Variants in ZHX3 observed in about 807,000 individuals in gnomAD.
ZHX3 encodes the protein zinc fingers and homeoboxes protein 3.
Under a neutral mutation model 64.5 loss-of-function variants are expected in ZHX3, and 20 were observed. That is an observed-to-expected ratio of 0.31 (90% confidence interval 0.22 to 0.45). The LOEUF (loss-of-function observed/expected upper bound fraction) is 0.45. ZHX3 is among the 20% of genes least tolerant of loss of function. The pLI is 1.00. For synonymous variants in ZHX3, 423 were observed against 461.6 expected, an observed-to-expected ratio of 0.92 and a Z score of 1.07; for missense variants, 1,041 against 1,195.8, an observed-to-expected ratio of 0.87 and a Z score of 1.91.
Position 41,203,310 on chromosome 20 carries a change from C to T in ZHX3, c.1607G>A (p.Arg536Lys). ...HLTKVTGLST[R>K]EVRKWFSDRR... ...ATCACTGAACCATTTCCGCACCTCT[C>T]TGGTACTGAGGCCCGTCACTTTTGT... Residue 536 changes from arginine (R) to lysine (K), a missense_variant, in exon 3 of 4, where the codon AGA becomes AAA. Arg to Lys is a conservative substitution (Grantham distance 26, BLOSUM62 2). Around this residue, in one of 4 missense-constraint regions of ZHX3, gnomAD observed 649 missense variants for 739.8 expected, o/e 0.88. Transcript: ENST00000683867. This position sits in a 1 kb window ranked among gnomAD's most constrained non-coding sequence, Gnocchi z 7.1. 6.2e-7 allele frequency: 1 copy of T among 1,614,224 alleles called. No homozygotes were observed. The highest frequency in any genetic ancestry group is 8.5e-7 in the Non-Finnish European group (1 of 1,180,040).
intron 3 of ZHX3, among the ~76,000 whole-genome samples, chr20:41,198,135 G>C (rs2037911987): frequency 6.6e-6 from 1 of 151,374 alleles, no homozygotes; most frequent in South Asian, 2.1e-4. Flanking sequence ...CTCCCAAGTA[G>C]CTGGGATTAG....
rs75271836 is a variant in ZHX3, at chr20:41,188,853, A to G, written c.2861-3652T>C. Among the ~76,000 whole-genome samples the G allele has an allele frequency of 9.9e-3, 1,502 of 152,250 alleles. 22 individuals are homozygous for G. The highest frequency in any genetic ancestry group is 0.034 in the African/African-American group (1,430 of 41,542). On this transcript the variant is annotated intron_variant, in intron 3 of 3. Transcript: ENST00000683867. ...TCCTTTGCTATGCAGAAGATTTTTA[A>G]TATAGTTCCCTTTGTCTATTTTTGT...
At chr20:41,277,978 A>C (rs1376884383) in intron 1 of ZHX3, among the ~76,000 whole-genome samples, 1 of 137,484 alleles carries the variant, frequency 7.3e-6, no homozygotes, top group Non-Finnish European at 1.6e-5. Context: ...TGGAAAAAAA[A>C]CTCCCCTGAT....
rs931708126 is a variant in ZHX3 at position 41,232,221 on chromosome 20, A to C, written c.-150-27155T>G. On this transcript the variant is annotated intron_variant, in intron 2 of 3. Coordinates refer to ENST00000683867, the MANE Select transcript of ZHX3 (RefSeq NM_001384317.1). This position sits in a 1 kb window ranked among gnomAD's most constrained non-coding sequence, Gnocchi z 5.0. ...ATCTTCAATCATTGTTATTACACAG[A>C]GAATGATGACCAGATGGTCTCCATT... Among the ~76,000 whole-genome samples, 3 of 152,204 alleles carry C rather than the reference A, an allele frequency of 2.0e-5. No individual in the cohort carries two copies. Among genetic ancestry groups the C allele is most frequent in the Admixed American group, 6.5e-5 (1 of 15,286 alleles).
At chr20:41,316,657 C>T (rs1164058615) in intron 1 of ZHX3, among the ~76,000 whole-genome samples, 1 of 152,180 alleles carries the variant, frequency 6.6e-6, no homozygotes, top group Admixed American at 6.5e-5. Context: ...CTCCCCCACC[C>T]CAAGTCACAT....
intron 1 of ZHX3, among the ~76,000 whole-genome samples, chr20:41,302,488 A>G (rs2044852415): frequency 6.6e-6 from 1 of 152,214 alleles, no homozygotes; most frequent in Non-Finnish European, 1.5e-5. Flanking sequence ...CCATAGAGGC[A>G]GGAGCTTCTC....
At chr20:41,315,237 C>T (rs1214575151) in intron 1 of ZHX3, among the ~76,000 whole-genome samples, 3 of 149,206 alleles carry the variant, frequency 2.0e-5, no homozygotes, top group Non-Finnish European at 3.0e-5. Context: ...GGCTGGAGTG[C>T]GGTGGTGTGA....
intron 2 of ZHX3, among the ~76,000 whole-genome samples, chr20:41,257,946 G>GC (rs1312163728): frequency 7.7e-6 from 1 of 130,360 alleles, no homozygotes; most frequent in African/African-American, 3.3e-5. Context: ...GCTCTTGTCA[G>GC]CCAGGCTGGG....
At chr20:41,216,451 A>T (rs2039540298) in intron 2 of ZHX3, among the ~76,000 whole-genome samples, 1 of 152,206 alleles carries the variant, frequency 6.6e-6, no homozygotes. Context: ...TAATTCTTTT[A>T]AAAAACCAAA....
intron 3 of ZHX3, among the ~76,000 whole-genome samples, chr20:41,190,259 C>T (rs1350469938): frequency 2.0e-5 from 3 of 152,246 alleles, no homozygotes; most frequent in Non-Finnish European, 4.4e-5. Context: ...ACTGCAACCT[C>T]TGCTTCCTGG....
intron 2 of ZHX3, among the ~76,000 whole-genome samples, chr20:41,265,017 G>A (rs897852004): frequency 6.6e-5 from 10 of 152,066 alleles, no homozygotes; most frequent in Admixed American, 2.6e-4. Context: ...AAAAATAAGC[G>A]CAAAATAAGC....
At chr20:41,303,847 C>T (rs1453377099) in intron 1 of ZHX3, among the ~76,000 whole-genome samples, 2 of 152,178 alleles carry the variant, frequency 1.3e-5, no homozygotes, top group African/African-American at 4.8e-5. Context: ...CCCCTCTTAT[C>T]CTCACACTTC....
chr20:41,222,032 C>T (rs1249827299), intron 2 of ZHX3, among the ~76,000 whole-genome samples: 4 of 152,296 alleles, frequency 2.6e-5, no homozygotes, highest in Admixed American at 6.5e-5. Flanking sequence ...TGGCGTCATC[C>T]GACACGTGTC....
rs943956722 is a variant in ZHX3 at position 41,212,227 on chromosome 20, A to C, written c.-150-7161T>G. Among the ~76,000 whole-genome samples the C allele has an allele frequency of 1.3e-5, 2 of 152,232 alleles. No homozygotes were observed. The highest frequency in any genetic ancestry group is 4.8e-5 in the African/African-American group (2 of 41,464). ...AATTTTTAAACGGGTAAAGGATTTG[A>C]ATAGACACTTCTCCAAAGAAGATAT... On this transcript the variant is annotated intron_variant, in intron 2 of 3. Coordinates refer to ENST00000683867, the MANE Select transcript of ZHX3 (RefSeq NM_001384317.1). This position sits in a 1 kb window ranked among gnomAD's most constrained non-coding sequence, Gnocchi z 4.3.
chr20:41,210,474 T>C (rs1264965505), intron 2 of ZHX3, among the ~76,000 whole-genome samples: 1 of 152,134 alleles, frequency 6.6e-6, no homozygotes, highest in Non-Finnish European at 1.5e-5. Flanking sequence ...TAGACTGGAT[T>C]AAGAAAATGT....
intron 3 of ZHX3, among the ~76,000 whole-genome samples, chr20:41,197,635 T>A (rs1389821294): frequency 1.3e-5 from 2 of 151,910 alleles, no homozygotes; most frequent in Non-Finnish European, 2.9e-5. Context: ...TTGTTTTTAA[T>A]AGAAGAGCTT....
chr20:41,289,919 C>A (rs2044143268), intron 1 of ZHX3, among the ~76,000 whole-genome samples: 1 of 152,080 alleles, frequency 6.6e-6, no homozygotes, highest in African/African-American at 2.4e-5. Context: ...GTTGTAGTTT[C>A]AACAAAAAGA....
At position 41,203,516 on chromosome 20, in the gene ZHX3, CGTT is replaced by C. The variant is rs780222766; in HGVS notation, c.1398_1400del (p.Thr467del). On this transcript the variant is annotated inframe_deletion, in exon 3 of 4. Coordinates refer to ENST00000683867, the MANE Select transcript of ZHX3 (RefSeq NM_001384317.1). The surrounding 1 kb of genome is among the most constrained non-coding windows in gnomAD (Gnocchi z 7.1). ...CCGCATTGACCACCTTCACAGCTGA[CGTT>C]GTATTTGAACACACAGTGTTAATGG... The C allele has an allele frequency of 4.3e-6, 7 of 1,614,138 alleles. No homozygotes were observed. Among genetic ancestry groups the C allele is most frequent in the East Asian group, 2.2e-5 (1 of 44,888 alleles).
At chr20:41,194,409 G>T (rs2037311676) in intron 3 of ZHX3, among the ~76,000 whole-genome samples, 1 of 152,112 alleles carries the variant, frequency 6.6e-6, no homozygotes. Flanking sequence ...TCCTTGCATT[G>T]CAGGGATAGA....
Sources: allele counts gnomAD v4.1 joint callset (sites outside exome capture counted in the v4.1 genomes callset), GRCh38; gene constraint gnomAD v4.1.1; regional missense constraint gnomAD v4.1.1; non-coding constraint Gnocchi (gnomAD v3.1); transcripts MANE v1.5; gene names NCBI Gene and HGNC (gene_info 2026-07-23, HGNC 2026-07-21).